GSE1: variants seen among roughly 807,000 people sequenced by gnomAD.
GSE1 encodes the protein Gse1 coiled-coil protein.
GSE1 carries 32 observed loss-of-function variants against 112.6 expected under a neutral mutation model. The ratio of observed to expected loss-of-function variants is 0.28; its 90% confidence interval spans 0.21 to 0.38. The LOEUF (loss-of-function observed/expected upper bound fraction) is 0.38, where lower values mean the gene tolerates loss of function less well. GSE1 is among the 10% of genes least tolerant of loss of function. The pLI is 1.00. For synonymous variants in GSE1, 1,115 were observed against 735.6 expected (o/e 1.52, Z -8.35); for missense variants, 2,348 against 1,699.2 (o/e 1.38, Z -6.71).
At chr16:85,398,447 T>TGTCTGTGGGTA (rs1287470772) in intron 2 of GSE1, among the ~76,000 whole-genome samples, 1 of 152,026 alleles carries the variant, frequency 6.6e-6, no homozygotes, top group Non-Finnish European at 1.5e-5. Flanking sequence ...GTCTGCTTGA[T>TGTCTGTGGGTA]GTCTGTGGGT....
At chr16:85,322,553 A>G (rs1471784177) in intron 1 of GSE1, among the ~76,000 whole-genome samples, 1 of 150,636 alleles carries the variant, frequency 6.6e-6, no homozygotes, top group South Asian at 2.1e-4. Flanking sequence ...GCCGTGCTCT[A>G]GGGATGTTGT....
At chr16:85,302,249 C>T (rs1289997791) in intron 1 of GSE1, among the ~76,000 whole-genome samples, 1 of 152,206 alleles carries the variant, frequency 6.6e-6, no homozygotes, top group East Asian at 1.9e-4. Context: ...TCAGGAGCCC[C>T]AATTAATCAT....
In GSE1 at chr16:85,666,542, C is replaced by G. The variant is rs776977653; in HGVS notation, c.3130+195C>G. ...ATCTCCAAGCTCTAAAACCTGAACT[C>G]GTAGGTGAGAAACGTTTGTAGGCAC... is the stretch of plus-strand genomic sequence containing the variant. On this transcript the variant is annotated intron_variant, in intron 13 of 15. Coordinates refer to ENST00000253458, the MANE Select transcript of GSE1 (RefSeq NM_014615.5). 3 of 615,252 alleles carry G rather than the reference C, an allele frequency of 4.9e-6. No individual in the cohort carries two copies. In the East Asian group the frequency reaches 8.4e-5, roughly 17 times the overall value. The allele number at this position is 615,252 out of a possible 1,614,324, so 38.1% of individuals were successfully genotyped here.
chr16:85,672,307 A>G, intron 15 of GSE1, 98 bp from the exon 16 acceptor site: 1 of 898,430 alleles, frequency 1.1e-6, no homozygotes, highest in South Asian at 1.6e-5. Context: ...GACATTTTCA[A>G]ATGTAGGTTT....
intron 1 of GSE1, among the ~76,000 whole-genome samples, chr16:85,603,163 CAGTG>C (rs1257281778): frequency 2.0e-5 from 3 of 152,370 alleles, no homozygotes; most frequent in Admixed American, 6.5e-5. Context: ...GGAGAATTGT[CAGTG>C]AGGACAAAAA....
At chr16:85,203,725 CAT>C (rs1429243209) in intron 1 of GSE1, among the ~76,000 whole-genome samples, 1 of 152,180 alleles carries the variant, frequency 6.6e-6, no homozygotes, top group Non-Finnish European at 1.5e-5. Context: ...CGGCCACCAC[CAT>C]AGTCAGTTTT....
chr16:85,620,894 C>T (rs552507895), intron 1 of GSE1, among the ~76,000 whole-genome samples: 2 of 152,066 alleles, frequency 1.3e-5, no homozygotes, highest in Admixed American at 1.3e-4. Context: ...AGGGTCTCGG[C>T]CCTGGGTCTC....
At chr16:85,390,587 C>G (rs2047815404) in intron 2 of GSE1, among the ~76,000 whole-genome samples, 1 of 152,136 alleles carries the variant, frequency 6.6e-6, no homozygotes, top group Admixed American at 6.5e-5. Flanking sequence ...TTCATCCTGG[C>G]TCTGGCCTCT....
In GSE1 at chr16:85,441,500, C is replaced by T. The variant is rs528779915; in HGVS notation, c.2464+83857C>T. On this transcript the variant is annotated intron_variant, in intron 2 of 2. Coordinates refer to the GSE1 transcript ENST00000637419. ...TGAAACCCCACCTCTACTAAAAATG[C>T]GAAAATTAGCTGGGCGTAGTGGTGT... 4.7e-4 allele frequency among the ~76,000 whole-genome samples: 72 copies of T among 152,126 alleles called. 1 individual carries two copies. The South Asian group carries it at 6.0e-3, about 13-fold the overall frequency.
At chr16:85,445,459 A>C (rs935218220) in intron 2 of GSE1, among the ~76,000 whole-genome samples, 5 of 152,236 alleles carry the variant, frequency 3.3e-5, no homozygotes, top group African/African-American at 1.2e-4. Flanking sequence ...GCCAGTCCCC[A>C]GACCCCTCAC....
intron 1 of GSE1, among the ~76,000 whole-genome samples, chr16:85,315,647 A>G (rs1296875233): frequency 6.6e-6 from 1 of 152,178 alleles, no homozygotes; most frequent in Non-Finnish European, 1.5e-5. Context: ...GACCGTGTGT[A>G]AGGCAAGAGA....
At chr16:85,594,661 C>A (rs936086413) in intron 1 of GSE1, 1 of 152,298 alleles carries the variant, frequency 6.6e-6, no homozygotes, top group Non-Finnish European at 1.5e-5. Flanking sequence ...TTCTCAGCCT[C>A]TCAGAGCAGG....
At chr16:85,197,254 G>A (rs1368065024) in intron 1 of GSE1, among the ~76,000 whole-genome samples, 3 of 152,132 alleles carry the variant, frequency 2.0e-5, no homozygotes, top group African/African-American at 7.2e-5. Flanking sequence ...TGGGACCCCA[G>A]TGAGCCCCCT....
intron 2 of GSE1, among the ~76,000 whole-genome samples, chr16:85,491,101 C>T (rs1158237250): frequency 6.6e-6 from 1 of 152,162 alleles, no homozygotes; most frequent in Non-Finnish European, 1.5e-5. Context: ...CTGGGCCCCC[C>T]AAGCCCTGTC....
chr16:85,174,534 T>A (rs1189556688), intron 1 of GSE1, among the ~76,000 whole-genome samples: 4 of 152,194 alleles, frequency 2.6e-5, no homozygotes, highest in Admixed American at 1.3e-4. Context: ...TCCCTCCCCC[T>A]CCTTCCCATT....
At chr16:85,333,434 T>G (rs1029956744) in intron 1 of GSE1, among the ~76,000 whole-genome samples, 7 of 152,060 alleles carry the variant, frequency 4.6e-5, no homozygotes, top group African/African-American at 1.7e-4. Context: ...CTCCTCCTTG[T>G]CTCTCCTGCC....
chr16:85,517,607 C>T (rs1435445744), intron 2 of GSE1, among the ~76,000 whole-genome samples: 1 of 78,594 alleles, frequency 1.3e-5, no homozygotes, highest in East Asian at 2.2e-4. Flanking sequence ...GCTCCCCTCC[C>T]CCCGCCTGCC....
chr16:85,266,257 CCT>C (rs1251147703), intron 1 of GSE1, among the ~76,000 whole-genome samples: 2 of 152,138 alleles, frequency 1.3e-5, no homozygotes, highest in Non-Finnish European at 1.5e-5. Context: ...GGGCATGCGT[CCT>C]CTCTCTCTAG....
chr16:85,361,090 C>T (rs1384384836), intron 2 of GSE1, among the ~76,000 whole-genome samples: 6 of 151,694 alleles, frequency 4.0e-5, no homozygotes, highest in African/African-American at 1.5e-4. Flanking sequence ...CCCACAAACA[C>T]ACAGACACAC....
Sources: allele counts gnomAD v4.1 joint callset (sites outside exome capture counted in the v4.1 genomes callset), GRCh38; gene constraint gnomAD v4.1.1; transcripts MANE v1.5; gene names NCBI Gene and HGNC (gene_info 2026-07-23, HGNC 2026-07-21).